Variants in SYNPR observed in about 807,000 individuals in gnomAD.
SYNPR encodes the protein synaptoporin.
A neutral mutation model predicts 32.9 loss-of-function variants in SYNPR; 23 were observed. The ratio of observed to expected loss-of-function variants is 0.70; its 90% CI spans 0.50 to 0.99. The LOEUF is 0.99. Among genes scored for constraint, SYNPR ranks in the 50% least tolerant of loss-of-function variants. The pLI is 0.00. For synonymous variants in SYNPR, 146 were observed against 135.9 expected, an observed-to-expected ratio of 1.07 and a Z score of -0.52; for missense variants, 318 against 349.3, an observed-to-expected ratio of 0.91 and a Z score of 0.71.
chr3:63,201,917 T>C, the SYNPR span, among the ~76,000 whole-genome samples: 26 of 152,172 alleles, frequency 1.7e-4, no homozygotes, highest in Admixed American at 1.7e-3. Flanking sequence ...ACTGAATTGG[T>C]TACTTTCACT....
At chr3:63,221,856 A>G in the SYNPR span, among the ~76,000 whole-genome samples, 1 of 152,220 alleles carries the variant, frequency 6.6e-6, no homozygotes, top group Admixed American at 6.5e-5. Context: ...ACAAGGAGCT[A>G]TAGGGATAAC....
intron 2 of SYNPR, among the ~76,000 whole-genome samples, chr3:63,365,722 T>A (rs1249093717): frequency 6.6e-6 from 1 of 152,228 alleles, no homozygotes; most frequent in Non-Finnish European, 1.5e-5. Flanking sequence ...AGGACCCGTA[T>A]TTATTCAAAA....
At chr3:63,330,220 T>C (rs1461161127) in intron 2 of SYNPR, 1 of 152,154 alleles carries the variant, frequency 6.6e-6, no homozygotes, top group African/African-American at 2.4e-5. Flanking sequence ...ACTGGGTCAG[T>C]TTCCTCTAGG....
intron 2 of SYNPR, among the ~76,000 whole-genome samples, chr3:63,341,035 T>C (rs946038567): frequency 6.6e-5 from 10 of 152,194 alleles, no homozygotes; most frequent in African/African-American, 2.4e-4. Context: ...TATCTAGTCA[T>C]CTCTCTCTTC....
At chr3:63,287,038 C>G (rs1665406585) in intron 2 of SYNPR, among the ~76,000 whole-genome samples, 1 of 152,158 alleles carries the variant, frequency 6.6e-6, no homozygotes. Context: ...GTCCTTCCAA[C>G]CACTTATCAC....
At chr3:63,223,662 C>T (rs1362875070), upstream of SYNPR, among the ~76,000 whole-genome samples, 2 of 152,144 alleles carry the variant, frequency 1.3e-5, no homozygotes, top group Non-Finnish European at 2.9e-5. Context: ...TTGCTTACAT[C>T]CAAGAACCTG....
intron 4 of SYNPR, among the ~76,000 whole-genome samples, chr3:63,586,686 GTA>G (rs938925512): frequency 6.8e-5 from 10 of 147,148 alleles, no homozygotes; most frequent in African/African-American, 1.0e-4. Flanking sequence ...GTGTGTGTAA[GTA>G]TATATATATA....
At chr3:63,202,601 TTA>T in the SYNPR span, among the ~76,000 whole-genome samples, 5 of 55,398 alleles carry the variant, frequency 9.0e-5, no homozygotes, top group Non-Finnish European at 1.9e-4. Context: ...AAGATTATTT[TTA>T]AAAAACCTCT....
At chr3:63,397,305 G>A (rs1443952160) in intron 2 of SYNPR, among the ~76,000 whole-genome samples, 1 of 152,084 alleles carries the variant, frequency 6.6e-6, no homozygotes. Context: ...TGCAAGGGTT[G>A]ATTTAAACTG....
chr3:63,264,374 AG>A (rs751180404), intron 2 of SYNPR, among the ~76,000 whole-genome samples: 10 of 150,618 alleles, frequency 6.6e-5, no homozygotes, highest in Non-Finnish European at 1.5e-4. Flanking sequence ...TATACCTGAA[AG>A]GCACTCTTAC....
chr3:63,321,749 C>T (rs1319544582), intron 2 of SYNPR, among the ~76,000 whole-genome samples: 1 of 152,028 alleles, frequency 6.6e-6, no homozygotes, highest in East Asian at 1.9e-4. Context: ...CACAGAAGTT[C>T]TCTGTGTGTT....
the SYNPR span, among the ~76,000 whole-genome samples, chr3:63,211,405 G>C: frequency 6.6e-6 from 1 of 152,192 alleles, no homozygotes; most frequent in African/African-American, 2.4e-5. Context: ...TCATGCTTTA[G>C]AATGATGCCA....
chr3:63,538,094 T>C (rs1010215623), intron 3 of SYNPR, among the ~76,000 whole-genome samples: 1 of 152,100 alleles, frequency 6.6e-6, no homozygotes, highest in Non-Finnish European at 1.5e-5. Context: ...GTTTGAAACA[T>C]TTGAATGGGA....
intron 2 of SYNPR, among the ~76,000 whole-genome samples, chr3:63,282,480 T>C (rs9841031): frequency 0.071 from 10,788 of 152,158 alleles, 418 homozygotes; most frequent in Middle Eastern, 0.099. Context: ...TTATTGTCCG[T>C]ACTATGATCA....
chr3:63,476,825 G>A (rs1397173233), intron 2 of SYNPR, among the ~76,000 whole-genome samples: 1 of 152,134 alleles, frequency 6.6e-6, no homozygotes, highest in Non-Finnish European at 1.5e-5. Context: ...ATTTGTATGT[G>A]CTTTTTGATT....
chr3:63,530,959 A>T (rs1702102554), intron 3 of SYNPR, among the ~76,000 whole-genome samples: 1 of 152,090 alleles, frequency 6.6e-6, no homozygotes, highest in South Asian at 2.1e-4. Context: ...AATTTGAATG[A>T]TGAGTAGAGT....
At chr3:63,297,557 G>C (rs2086801943) in intron 2 of SYNPR, among the ~76,000 whole-genome samples, 1 of 152,146 alleles carries the variant, frequency 6.6e-6, no homozygotes, top group Admixed American at 6.6e-5. Flanking sequence ...CAAAGATTGT[G>C]CAATGTTATG....
At chr3:63,477,632 A>G (rs1575665149) in intron 2 of SYNPR, among the ~76,000 whole-genome samples, 1 of 152,140 alleles carries the variant, frequency 6.6e-6, no homozygotes, top group African/African-American at 2.4e-5. Context: ...GCTGGCTCCC[A>G]TGCACAGCTG....
intron 2 of SYNPR, among the ~76,000 whole-genome samples, chr3:63,403,043 G>C (rs2088313005): frequency 6.6e-6 from 1 of 152,166 alleles, no homozygotes; most frequent in African/African-American, 2.4e-5. Context: ...CATTAACAGA[G>C]AGAATGTTTA....
Sources: gnomAD v4.1 joint callset for allele counts (sites outside exome capture counted in the v4.1 genomes callset) on GRCh38, gnomAD v4.1.1 for gene constraint, MANE v1.5 for transcripts, NCBI Gene and HGNC (gene_info 2026-07-23, HGNC 2026-07-21) for gene names.